EYS: variants seen among roughly 807,000 people sequenced by gnomAD.
EYS encodes the protein protein eyes shut homolog.
A neutral mutation model predicts 282.1 loss-of-function variants in EYS; 250 were observed. That is an observed-to-expected ratio of 0.89 (90% CI 0.80 to 0.98). EYS has a LOEUF of 0.98. Among genes scored for constraint, EYS ranks in the 50% least tolerant of loss-of-function variants. EYS has a pLI of 0.00. For synonymous variants in EYS, 1,355 were observed against 1,282.9 expected, an observed-to-expected ratio of 1.06 and a Z score of -1.20; for missense variants, 4,016 against 3,709.0, an observed-to-expected ratio of 1.08 and a Z score of -2.15.
intron 19 of EYS, among the ~76,000 whole-genome samples, chr6:64,883,558 T>C (rs1466824075): frequency 6.6e-6 from 1 of 151,402 alleles, no homozygotes; most frequent in East Asian, 1.9e-4. Flanking sequence ...TAATATATAA[T>C]CGTGTCTAGT....
chr6:64,265,848 C>A (rs1582507989), intron 30 of EYS, among the ~76,000 whole-genome samples: 1 of 152,008 alleles, frequency 6.6e-6, no homozygotes, highest in African/African-American at 2.4e-5. Flanking sequence ...TAGAGCATTG[C>A]CTTGATTAGG....
At chr6:63,883,478 C>T (rs1429892999) in intron 35 of EYS, among the ~76,000 whole-genome samples, 5 of 152,350 alleles carry the variant, frequency 3.3e-5, no homozygotes, top group South Asian at 4.1e-4. Flanking sequence ...TCTCAACCAA[C>T]GTGGCTGGAA....
intron 11 of EYS, 168 bp downstream of exon 11, chr6:65,334,812 T>G: frequency 1.7e-6 from 1 of 596,614 alleles, no homozygotes; most frequent in African/African-American, 1.9e-5. Flanking sequence ...ACATGTATTA[T>G]GTAACATAAT....
intron 30 of EYS, among the ~76,000 whole-genome samples, chr6:64,267,450 T>A (rs1767799124): frequency 6.6e-6 from 1 of 152,108 alleles, no homozygotes; most frequent in Non-Finnish European, 1.5e-5. Context: ...TTCTTTTCCA[T>A]TATCCGTGAT....
chr6:64,346,548 G>A (rs564913648), intron 29 of EYS, among the ~76,000 whole-genome samples: 1 of 151,414 alleles, frequency 6.6e-6, no homozygotes, highest in Non-Finnish European at 1.5e-5. Flanking sequence ...ACCAGGGATT[G>A]TTGTGGGGTG....
chr6:64,265,429 C>T (rs1767724089), intron 30 of EYS, among the ~76,000 whole-genome samples: 1 of 152,118 alleles, frequency 6.6e-6, no homozygotes, highest in Non-Finnish European at 1.5e-5. Context: ...ATGTCTTAGC[C>T]TGATGCTAAA....
intron 22 of EYS, among the ~76,000 whole-genome samples, chr6:64,758,348 A>G (rs1348346165): frequency 1.3e-5 from 2 of 152,206 alleles, no homozygotes; most frequent in Non-Finnish European, 2.9e-5. Flanking sequence ...ACATCAAAAT[A>G]TAAGAGGATT....
At chr6:64,675,901 TGAG>T (rs1409994580) in intron 22 of EYS, among the ~76,000 whole-genome samples, 1 of 151,170 alleles carries the variant, frequency 6.6e-6, no homozygotes. Flanking sequence ...TTAGACATGT[TGAG>T]AAGATTAAAT....
At chr6:65,549,574 G>T (rs1238331352) in intron 2 of EYS, among the ~76,000 whole-genome samples, 1 of 152,026 alleles carries the variant, frequency 6.6e-6, no homozygotes, top group African/African-American at 2.4e-5. Context: ...AAGAACATGT[G>T]CCCAGTGCAC....
chr6:63,835,812 A>C (rs1036291098), intron 36 of EYS, among the ~76,000 whole-genome samples: 1 of 152,144 alleles, frequency 6.6e-6, no homozygotes, highest in African/African-American at 2.4e-5. Context: ...TCTAACTTTG[A>C]CATAATAGAA....
At chr6:64,132,542 A>G (rs1582317439) in intron 31 of EYS, among the ~76,000 whole-genome samples, 1 of 151,946 alleles carries the variant, frequency 6.6e-6, no homozygotes, top group East Asian at 1.9e-4. Flanking sequence ...TAACATAATT[A>G]TTCAACATTA....
Position 65,580,531 on chromosome 6 carries a change from T to C in EYS, c.-333+59247A>G, listed in dbSNP as rs972785301. ...TGAAAACCTAATTTTGTAGAATGCTTAAAATATAACTAATCAGTCATAGAT... is the reference window on the plus strand; with the variant it reads ...TGAAAACCTAATTTTGTAGAATGCTCAAAATATAACTAATCAGTCATAGAT... On this transcript the variant is annotated intron_variant, in intron 2 of 42. Coordinates refer to ENST00000503581, the MANE Select transcript of EYS (RefSeq NM_001142800.2). Among the ~76,000 whole-genome samples the C allele has an allele frequency of 2.2e-4, 33 of 152,068 alleles. 1 individual carries two copies. The highest frequency in any genetic ancestry group is 2.1e-3 in the Admixed American group (32 of 15,248).
chr6:65,290,285 C>T (rs1768487536), intron 12 of EYS, among the ~76,000 whole-genome samples: 1 of 150,566 alleles, frequency 6.6e-6, no homozygotes, highest in Non-Finnish European at 1.5e-5. Flanking sequence ...CAGAGAAAAC[C>T]TTGAGAATAA....
chr6:65,170,398 T>C (rs1417379398), intron 12 of EYS, among the ~76,000 whole-genome samples: 2 of 151,534 alleles, frequency 1.3e-5, no homozygotes, highest in Non-Finnish European at 3.0e-5. Context: ...TATAAACCAT[T>C]TTCTTGACCA....
intron 35 of EYS, among the ~76,000 whole-genome samples, chr6:63,911,580 G>A (rs1261014489): frequency 1.3e-5 from 2 of 152,116 alleles, no homozygotes; most frequent in Non-Finnish European, 2.9e-5. Context: ...TAATCCTTGA[G>A]CAATGAAACT....
At chr6:64,815,184 T>C in intron 21 of EYS, 1 of 440,852 alleles carries the variant, frequency 2.3e-6, no homozygotes, top group Non-Finnish European at 4.5e-6. Flanking sequence ...TAAGTATGTT[T>C]TTATAAACAA....
At chr6:63,988,978 T>C (rs1467372764) in intron 34 of EYS, among the ~76,000 whole-genome samples, 1 of 151,602 alleles carries the variant, frequency 6.6e-6, no homozygotes, top group Non-Finnish European at 1.5e-5. Context: ...TATTTATTTT[T>C]TGTTTTGTTT....
At chr6:65,468,687 T>C (rs1562203319) in intron 5 of EYS, among the ~76,000 whole-genome samples, 1 of 143,762 alleles carries the variant, frequency 7.0e-6, no homozygotes, top group South Asian at 2.2e-4. Flanking sequence ...AAAAAACATA[T>C]ACCTTGATAT....
intron 11 of EYS, among the ~76,000 whole-genome samples, chr6:65,321,581 A>G (rs1204617003): frequency 6.6e-6 from 1 of 152,298 alleles, no homozygotes; most frequent in Middle Eastern, 3.4e-3. Flanking sequence ...TTTAAGAGGA[A>G]GTTTCTTTGT....
Sources: gnomAD v4.1 joint callset for allele counts (sites outside exome capture counted in the v4.1 genomes callset) on GRCh38, gnomAD v4.1.1 for gene constraint, MANE v1.5 for transcripts, NCBI Gene and HGNC (gene_info 2026-07-23, HGNC 2026-07-21) for gene names.